Variants in ZBTB7C observed in about 807,000 individuals in gnomAD.
ZBTB7C encodes the protein zinc finger and BTB domain-containing protein 7C.
Under a neutral mutation model 25.7 loss-of-function variants are expected in ZBTB7C, and 8 were observed. The ratio of observed to expected loss-of-function variants is 0.31; its 90% CI spans 0.18 to 0.56. The LOEUF (loss-of-function observed/expected upper bound fraction) is 0.56, where lower values mean the gene tolerates loss of function less well. Ranked by LOEUF, ZBTB7C falls within the 20% of genes least tolerant of loss-of-function variation. The probability of loss-of-function intolerance (pLI) is 0.91; values close to 1 mark genes in which losing one functional copy is unlikely to be tolerated. For synonymous variants in ZBTB7C, 394 were observed against 369.0 expected (o/e 1.07, Z -0.78); for missense variants, 824 against 855.2 (o/e 0.96, Z 0.46).
intron 1 of ZBTB7C, among the ~76,000 whole-genome samples, chr18:48,352,763 A>G (rs2046893523): frequency 6.6e-6 from 1 of 152,132 alleles, no homozygotes; most frequent in African/African-American, 2.4e-5. Flanking sequence ...TCAGGACAGA[A>G]GAGATGTGCA....
At chr18:48,356,922 T>A (rs1382270947) in intron 1 of ZBTB7C, among the ~76,000 whole-genome samples, 1 of 151,962 alleles carries the variant, frequency 6.6e-6, no homozygotes, top group Non-Finnish European at 1.5e-5. Flanking sequence ...ACACACATAA[T>A]CCTACACTAA....
chr18:48,271,522 ATATAT>A (rs201656063), intron 2 of ZBTB7C, among the ~76,000 whole-genome samples: 8,726 of 148,004 alleles, frequency 0.059, 469 homozygotes, highest in East Asian at 0.18. Flanking sequence ...TATATATAGC[ATATAT>A]TATATTATAT....
chr18:48,104,198 C>T (rs991340630), intron 3 of ZBTB7C, among the ~76,000 whole-genome samples: 1 of 152,114 alleles, frequency 6.6e-6, no homozygotes, highest in African/African-American at 2.4e-5. Context: ...GGGACAGATC[C>T]CTTATGAACG....
chr18:48,184,701 G>C (rs573930165), intron 3 of ZBTB7C, among the ~76,000 whole-genome samples: 1 of 152,232 alleles, frequency 6.6e-6, no homozygotes, highest in South Asian at 2.1e-4. Flanking sequence ...CTGGGGGAAA[G>C]GCAAGTGGAC....
chr18:48,307,183 G>A (rs1220492561), intron 2 of ZBTB7C, among the ~76,000 whole-genome samples: 1 of 152,150 alleles, frequency 6.6e-6, no homozygotes, highest in African/African-American at 2.4e-5. Context: ...AGGACCTCCA[G>A]GGCCTCAGTT....
intron 2 of ZBTB7C, among the ~76,000 whole-genome samples, chr18:48,216,041 T>G (rs1036539143): frequency 6.6e-6 from 1 of 151,984 alleles, no homozygotes; most frequent in Non-Finnish European, 1.5e-5. Flanking sequence ...AGGAGGAGAG[T>G]ATAATAAGGC....
At chr18:48,082,808 G>T (rs908309515) in intron 3 of ZBTB7C, among the ~76,000 whole-genome samples, 1 of 152,176 alleles carries the variant, frequency 6.6e-6, no homozygotes, top group African/African-American at 2.4e-5. Context: ...CCTAGAGCAG[G>T]TTGCTTTGAT....
intron 3 of ZBTB7C, among the ~76,000 whole-genome samples, chr18:48,058,853 C>T (rs1263206789): frequency 6.6e-6 from 1 of 152,210 alleles, no homozygotes; most frequent in Non-Finnish European, 1.5e-5. Flanking sequence ...AGTTCAGCAG[C>T]CCAAGGAGAG....
chr18:48,273,350 T>A (rs900011971), intron 2 of ZBTB7C, among the ~76,000 whole-genome samples: 1 of 151,804 alleles, frequency 6.6e-6, no homozygotes, highest in African/African-American at 2.4e-5. Flanking sequence ...ATCATAGAGA[T>A]GGACAATTAA....
intron 1 of ZBTB7C, among the ~76,000 whole-genome samples, chr18:48,367,171 A>G (rs1460577275): frequency 1.8e-5 from 1 of 54,326 alleles, no homozygotes; most frequent in African/African-American, 6.7e-5. Flanking sequence ...CTTCTCCCCA[A>G]GTTTTATATA....
At chr18:48,401,371 T>A (rs955900382) in intron 1 of ZBTB7C, among the ~76,000 whole-genome samples, 3 of 152,174 alleles carry the variant, frequency 2.0e-5, no homozygotes, top group Non-Finnish European at 4.4e-5. Context: ...AGTGCCTGTA[T>A]GTATTATCTT....
intron 3 of ZBTB7C, among the ~76,000 whole-genome samples, chr18:48,074,291 G>T (rs1197530707): frequency 6.6e-6 from 1 of 152,222 alleles, no homozygotes; most frequent in Non-Finnish European, 1.5e-5. Flanking sequence ...TGGGATTACA[G>T]ATGTGAGCCA....
At chr18:48,161,700 G>GGCCCGGCCCGGCCCGGGCGCCCCGCCCC (rs2041046369) in intron 3 of ZBTB7C, among the ~76,000 whole-genome samples, 2 of 146,488 alleles carry the variant, frequency 1.4e-5, no homozygotes, top group African/African-American at 5.1e-5. Flanking sequence ...TGCCCGGCCC[G>GGCCCGGCCCGGCCCGGGCGCCCCGCCCC]GCCCGGCCCG....
intron 1 of ZBTB7C, among the ~76,000 whole-genome samples, chr18:48,358,021 T>C (rs965772522): frequency 1.3e-5 from 2 of 152,182 alleles, no homozygotes; most frequent in African/African-American, 4.8e-5. Context: ...AAGTGAGTTA[T>C]TGCTCTGAGT....
chr18:48,295,020 TAGG>T (rs2045347406), intron 2 of ZBTB7C, among the ~76,000 whole-genome samples: 1 of 151,492 alleles, frequency 6.6e-6, no homozygotes, highest in Non-Finnish European at 1.5e-5. Context: ...GCTTGAAAAA[TAGG>T]AGGTGAGAGG....
At chr18:48,184,129 C>G (rs11659626) in intron 3 of ZBTB7C, among the ~76,000 whole-genome samples, 32,473 of 152,064 alleles carry the variant, frequency 0.21, 3,733 homozygotes, top group South Asian at 0.28. Flanking sequence ...TTGAAGGCAG[C>G]ACCATAACCA....
intron 2 of ZBTB7C, among the ~76,000 whole-genome samples, chr18:48,207,167 C>T (rs1360127788): frequency 3.3e-5 from 5 of 152,142 alleles, no homozygotes; most frequent in Non-Finnish European, 5.9e-5. Flanking sequence ...AGATGTCAAG[C>T]GCTGGTGAGG....
At chr18:48,097,089 T>C (rs1463299967) in intron 3 of ZBTB7C, among the ~76,000 whole-genome samples, 1 of 152,236 alleles carries the variant, frequency 6.6e-6, no homozygotes, top group Non-Finnish European at 1.5e-5. Context: ...TGAAAACTGT[T>C]TCCTCTCTTC....
chr18:48,317,221 C>T (rs886192048), intron 2 of ZBTB7C, among the ~76,000 whole-genome samples: 1 of 122,318 alleles, frequency 8.2e-6, no homozygotes, highest in Non-Finnish European at 1.6e-5. Flanking sequence ...TGCGCCACTG[C>T]AATCCAGCCT....
Sources: gnomAD v4.1 joint callset for allele counts (sites outside exome capture counted in the v4.1 genomes callset) on GRCh38, gnomAD v4.1.1 for gene constraint, MANE v1.5 for transcripts, NCBI Gene and HGNC (gene_info 2026-07-23, HGNC 2026-07-21) for gene names.